The following PUDP variants were observed in gnomAD, a reference collection of about 807,000 sequenced individuals.
The protein encoded by PUDP is pseudouridine 5'-phosphatase.
Under a neutral mutation model 9.4 loss-of-function variants are expected in PUDP, and 8 were observed. That is an observed-to-expected ratio of 0.85 (90% CI 0.50 to 1.53). The LOEUF is 1.53. Among genes scored for constraint, PUDP ranks in the 40% most tolerant of loss-of-function variants. The pLI is 0.00. For missense variants in PUDP, 188 were observed against 189.7 expected (o/e 0.99, Z 0.05); for synonymous variants, 99 against 80.7 (o/e 1.23, Z -1.22).
chrX:6,729,102 G>A (rs1040848271), intron 3 of PUDP, among the ~76,000 whole-genome samples: 5 of 111,631 alleles, frequency 4.5e-5, no homozygotes, highest in East Asian at 2.8e-4. Context: ...CTCTCAACAC[G>A]ACTTATGTGA....
intron 3 of PUDP, among the ~76,000 whole-genome samples, chrX:6,848,640 G>A (rs1257478712): frequency 8.9e-6 from 1 of 112,139 alleles, no homozygotes; most frequent in African/African-American, 3.2e-5. Context: ...TCCCGGAGGT[G>A]GGGCTTGGTG....
chrX:6,851,671 G>A (rs1926829366), intron 3 of PUDP, among the ~76,000 whole-genome samples: 1 of 111,663 alleles, frequency 9.0e-6, no homozygotes, highest in South Asian at 3.8e-4. Context: ...CTTCTGTGAT[G>A]TGGCCACAAA....
intron 1 of PUDP, among the ~76,000 whole-genome samples, chrX:7,124,243 T>A (rs987464174): frequency 1.8e-5 from 2 of 112,100 alleles, no homozygotes; most frequent in African/African-American, 6.5e-5. Context: ...CTTGGGAAAT[T>A]CACAAATAAT....
At chrX:6,967,214 G>A (rs1435815604) in intron 3 of PUDP, among the ~76,000 whole-genome samples, 1 of 111,640 alleles carries the variant, frequency 9.0e-6, no homozygotes, top group African/African-American at 3.3e-5. Context: ...GCAGACCCAC[G>A]CGGTTCCTCC....
intron 1 of PUDP, among the ~76,000 whole-genome samples, chrX:6,708,343 G>A (rs1016949803): frequency 9.0e-6 from 1 of 111,689 alleles, no homozygotes; most frequent in Non-Finnish European, 1.9e-5. Flanking sequence ...TGCCAGGGTA[G>A]AAAAAGCCTC....
chrX:7,062,129 A>G (rs757021074), intron 3 of PUDP, among the ~76,000 whole-genome samples: 2 of 112,295 alleles, frequency 1.8e-5, no homozygotes, highest in Non-Finnish European at 3.8e-5. Flanking sequence ...CAATTCAAGC[A>G]TGTTAGACAT....
intron 1 of PUDP, among the ~76,000 whole-genome samples, chrX:7,025,587 G>A (rs987677503): frequency 1.8e-5 from 2 of 111,623 alleles, no homozygotes; most frequent in African/African-American, 3.3e-5. Context: ...TGAATTACTC[G>A]GTGAACAGGG....
intron 1 of PUDP, among the ~76,000 whole-genome samples, chrX:7,112,719 T>A (rs990519161): frequency 8.9e-6 from 1 of 111,737 alleles, no homozygotes; most frequent in Non-Finnish European, 1.9e-5. Flanking sequence ...CTGAGTATAG[T>A]AGGGTGATCA....
At chrX:6,906,400 T>A (rs900863125) in intron 3 of PUDP, among the ~76,000 whole-genome samples, 1 of 112,391 alleles carries the variant, frequency 8.9e-6, no homozygotes, top group Non-Finnish European at 1.9e-5. Flanking sequence ...GAAATGATTA[T>A]GTATTCTCTC....
At chrX:6,915,478 GA>G (rs993053952) in intron 3 of PUDP, among the ~76,000 whole-genome samples, 3 of 111,780 alleles carry the variant, frequency 2.7e-5, no homozygotes, top group Non-Finnish European at 5.6e-5. Flanking sequence ...GAAACAAAGA[GA>G]GGGGAGAGAA....
intron 3 of PUDP, among the ~76,000 whole-genome samples, chrX:6,893,099 A>G (rs1927539718): frequency 8.9e-6 from 1 of 112,629 alleles, no homozygotes; most frequent in Non-Finnish European, 1.9e-5. Context: ...TTAACTGTGA[A>G]GTGGAAACAT....
chrX:6,718,900 C>T (rs753311452), intron 1 of PUDP, among the ~76,000 whole-genome samples: 6 of 111,181 alleles, frequency 5.4e-5, no homozygotes, highest in Non-Finnish European at 7.5e-5. Context: ...TGAGAGCAAC[C>T]GCTAGCTGAC....
chrX:6,982,403 G>T (rs1433129496), intron 1 of PUDP, among the ~76,000 whole-genome samples: 1 of 111,033 alleles, frequency 9.0e-6, no homozygotes, highest in Non-Finnish European at 1.9e-5. Context: ...AGGGACTAGT[G>T]TAGGGGGCAT....
chrX:6,791,755 G>C (rs1199179562), intron 3 of PUDP, among the ~76,000 whole-genome samples: 1 of 111,971 alleles, frequency 8.9e-6, no homozygotes, highest in Admixed American at 9.5e-5. Context: ...AGACTTCCAG[G>C]ACTGTAAGTT....
intron 3 of PUDP, among the ~76,000 whole-genome samples, chrX:7,071,851 AC>A (rs1453678039): frequency 9.3e-6 from 1 of 107,673 alleles, no homozygotes; most frequent in Non-Finnish European, 1.9e-5. Flanking sequence ...ATCTCGGCTC[AC>A]TGAAACTTCC....
rs1333629502 is a variant in PUDP, at chrX:7,042,658, T to TG, written c.204+34561_204+34562insC. On this transcript the variant is annotated intron_variant and NMD_transcript_variant, in intron 1 of 3. Coordinates refer to the PUDP transcript ENST00000655425. Reference sequence around the variant, plus strand: ...CTGGGTGGACATATGTTTTCATTTTTTGGGGGGGGTAGACATCAAAGAGTA... The same window carrying TG: ...CTGGGTGGACATATGTTTTCATTTTTGTGGGGGGGGTAGACATCAAAGAGTA... Among the ~76,000 whole-genome samples the TG allele has an allele frequency of 1.0e-4, 6 of 59,398 alleles. No individual in the cohort carries two copies. The East Asian group carries it at 2.5e-3, about 25-fold the overall frequency. The allele number at this position is 59,398 out of a possible 115,157, so 51.6% of individuals were successfully genotyped here.
At chrX:6,983,759 C>T (rs755842877) in intron 1 of PUDP, among the ~76,000 whole-genome samples, 1 of 112,221 alleles carries the variant, frequency 8.9e-6, no homozygotes, top group Non-Finnish European at 1.9e-5. Context: ...AACAGAAGGC[C>T]GATTCACACT....
chrX:6,800,602 C>T (rs982255984), intron 3 of PUDP, among the ~76,000 whole-genome samples: 4 of 112,004 alleles, frequency 3.6e-5, no homozygotes, highest in Non-Finnish European at 7.5e-5. Context: ...TGATTTTCCA[C>T]TGTTAGGTGA....
chrX:6,835,873 CT>C (rs11422118), intron 3 of PUDP, among the ~76,000 whole-genome samples: 51 of 100,476 alleles, frequency 5.1e-4, no homozygotes, highest in Admixed American at 7.5e-4. Flanking sequence ...CTGCCACTGG[CT>C]TTTTTTTTTT....
Sources: gnomAD v4.1 joint callset for allele counts (sites outside exome capture counted in the v4.1 genomes callset) on GRCh38, gnomAD v4.1.1 for gene constraint, MANE v1.5 for transcripts, NCBI Gene and HGNC (gene_info 2026-07-23, HGNC 2026-07-21) for gene names.